The following CATSPERE variants were observed in gnomAD, a reference collection of about 807,000 sequenced individuals.
CATSPERE encodes catsper channel auxiliary subunit epsilon, also known as cation channel sperm-associated auxiliary subunit epsilon.
CATSPERE carries 93 observed loss-of-function variants against 114.1 expected under a neutral mutation model. The observed-to-expected ratio is 0.81, with a 90% CI of 0.69 to 0.97. The LOEUF is 0.97. Among genes scored for constraint, CATSPERE ranks in the 50% least tolerant of loss-of-function variants. The pLI is 0.00. For synonymous variants in CATSPERE, 341 were observed against 384.1 expected, an observed-to-expected ratio of 0.89 and a Z score of 1.31; for missense variants, 1,058 against 1,131.6, an observed-to-expected ratio of 0.93 and a Z score of 0.93.
At chr1:244,517,209 CA>C (rs1676780902) in intron 7 of CATSPERE, among the ~76,000 whole-genome samples, 2 of 151,660 alleles carry the variant, frequency 1.3e-5, no homozygotes, top group Non-Finnish European at 1.5e-5. Context: ...CTTTCTTAAT[CA>C]AAAAATATAT....
chr1:244,627,623 CA>C (rs1485823613), intron 20 of CATSPERE, among the ~76,000 whole-genome samples: 13 of 151,820 alleles, frequency 8.6e-5, no homozygotes, highest in Admixed American at 8.5e-4. Context: ...GTGACAGACA[CA>C]AAGCAAGCAC....
At position 244,575,932 on chromosome 1, in the gene CATSPERE, C is replaced by T. The variant is rs10803223; in HGVS notation, c.1950+3160C>T. On this transcript the variant is annotated intron_variant, in intron 11 of 21. Coordinates refer to ENST00000366534, the MANE Select transcript of CATSPERE (RefSeq NM_001130957.2). This position sits in a 1 kb window ranked among gnomAD's most constrained non-coding sequence, Gnocchi z 4.5. ...TAAGACACCCTAAGAAATACTTCAC[C>T]GCCTCCCATGGCTTTTCTTTCCTTA... 0.19 allele frequency among the ~76,000 whole-genome samples: 28,200 copies of T among 151,910 alleles called. 3,808 individuals carry two copies. The highest frequency in any genetic ancestry group is 0.41 in the East Asian group (2,098 of 5,138).
At chr1:244,488,345 A>G (rs570596561) in intron 5 of CATSPERE, among the ~76,000 whole-genome samples, 60 of 152,142 alleles carry the variant, frequency 3.9e-4, no homozygotes, top group African/African-American at 1.4e-3. Flanking sequence ...TAATACCACT[A>G]TGTTCTATTT....
In CATSPERE at chr1:244,630,502, T is replaced by G. The variant is rs1673800557; in HGVS notation, c.2649-4987T>G. Among the ~76,000 whole-genome samples the G allele has an allele frequency of 2.0e-5, 3 of 152,224 alleles. No individual in the cohort carries two copies. The South Asian group carries it at 6.2e-4, about 32-fold the overall frequency. ...GATTTGCTTCTTCGATGAGACTACA[T>G]TGCGTGGGGGAGATAGCAACTACTG... On this transcript the variant is annotated intron_variant, in intron 20 of 21. Coordinates refer to ENST00000366534, the MANE Select transcript of CATSPERE (RefSeq NM_001130957.2).
chr1:244,639,829 T>C (rs1472358941), intron 21 of CATSPERE, 99 bp from the exon 22 acceptor site: 4 of 1,102,202 alleles, frequency 3.6e-6, no homozygotes, highest in Non-Finnish European at 5.2e-6. Context: ...TCTCTGTCAA[T>C]GGCATAGTAG....
rs1438283604 is a variant in CATSPERE at position 244,477,915 on chromosome 1, G to A, written c.198G>A (p.Thr66=). 2.4e-5 allele frequency: 39 copies of A among 1,605,752 alleles called. No homozygotes were observed. The highest frequency in any genetic ancestry group is 2.7e-5 in the African/African-American group (2 of 74,644). Residue 66 remains threonine, a synonymous_variant, in exon 4 of 22, where the codon ACG becomes ACA. Coordinates refer to ENST00000366534, the MANE Select transcript of CATSPERE (RefSeq NM_001130957.2). The part of the protein sequence containing the change: ...TCFVLNKSSP[T]TELRCSSPGV... Reference sequence around the variant, plus strand: ...TCTTTTTAAACACTAGCTCACCCACGACAGAATTGCGTTGTTCCTCACCTG... The same window carrying A: ...TCTTTTTAAACACTAGCTCACCCACAACAGAATTGCGTTGTTCCTCACCTG...
chr1:244,592,082 C>T (rs552078301), intron 15 of CATSPERE, among the ~76,000 whole-genome samples: 1 of 152,270 alleles, frequency 6.6e-6, no homozygotes, highest in East Asian at 1.9e-4. Context: ...GGTACAGTGG[C>T]TCATGCCTGT....
At chr1:244,460,872 C>T (rs903879972), upstream of CATSPERE, among the ~76,000 whole-genome samples, 5 of 152,344 alleles carry the variant, frequency 3.3e-5, no homozygotes, top group Non-Finnish European at 4.4e-5. Flanking sequence ...CGAGCCAGAT[C>T]GCGCCACTGC....
intron 1 of CATSPERE, among the ~76,000 whole-genome samples, chr1:244,462,028 G>C (rs557631019): frequency 5.9e-5 from 9 of 152,228 alleles, no homozygotes; most frequent in African/African-American, 2.2e-4. Flanking sequence ...TATTGCCCAG[G>C]CTGGTCTCGA....
intron 2 of CATSPERE, among the ~76,000 whole-genome samples, chr1:244,475,055 TTAAA>T (rs1472394113): frequency 2.6e-5 from 4 of 152,096 alleles, no homozygotes; most frequent in Non-Finnish European, 5.9e-5. Flanking sequence ...ATTAGGAAAT[TTAAA>T]TAAATTTTTA....
chr1:244,545,333 A>G (rs925643470), intron 8 of CATSPERE, among the ~76,000 whole-genome samples: 5 of 152,184 alleles, frequency 3.3e-5, no homozygotes, highest in African/African-American at 1.2e-4. Flanking sequence ...TGGAGGCAAC[A>G]TATTCCTCAT....
chr1:244,475,973 G>T (rs1415741350), intron 2 of CATSPERE, among the ~76,000 whole-genome samples: 1 of 151,812 alleles, frequency 6.6e-6, no homozygotes, highest in African/African-American at 2.4e-5. Flanking sequence ...AATATCTTAG[G>T]ATTTTTTTCT....
rs1444310558 is a variant in CATSPERE, at chr1:244,573,633, T to C, written c.1950+861T>C. Among the ~76,000 whole-genome samples, 1 of 152,086 alleles carries C rather than the reference T, an allele frequency of 6.6e-6. No individual in the cohort carries two copies. Among genetic ancestry groups the C allele is most frequent in the African/African-American group, 2.4e-5 (1 of 41,394 alleles). On this transcript the variant is annotated intron_variant, in intron 11 of 21. Coordinates refer to ENST00000366534, the MANE Select transcript of CATSPERE (RefSeq NM_001130957.2). This position sits in a 1 kb window ranked among gnomAD's most constrained non-coding sequence, Gnocchi z 4.0. Reference sequence around the variant, plus strand: ...CCTCTGCTGGATAACCCAGGTCTAGTGTTATCCTCCAGACTAGACCTGGCT... The same window carrying C: ...CCTCTGCTGGATAACCCAGGTCTAGCGTTATCCTCCAGACTAGACCTGGCT...
chr1:244,494,972 A>G (rs1254356713), intron 6 of CATSPERE, among the ~76,000 whole-genome samples: 1 of 152,208 alleles, frequency 6.6e-6, no homozygotes, highest in Non-Finnish European at 1.5e-5. Flanking sequence ...ATTTTAATAT[A>G]CATAGAAAAT....
chr1:244,502,675 G>C (rs1276340051), intron 7 of CATSPERE, among the ~76,000 whole-genome samples: 1 of 152,132 alleles, frequency 6.6e-6, no homozygotes, highest in East Asian at 1.9e-4. Flanking sequence ...CCAGAAGTGT[G>C]CTTGTAGTTC....
rs976522325 is a variant in CATSPERE, at chr1:244,633,927, C to T, written c.2649-1562C>T. Among the ~76,000 whole-genome samples the T allele has an allele frequency of 7.4e-5, 11 of 148,466 alleles. No individual in the cohort carries two copies. The highest frequency in any genetic ancestry group is 1.3e-4 in the Non-Finnish European group (9 of 67,542). ...TTGCCCAGGCTGGAGTGCAGTGGTGCGATCTCCGCTCACTGCAACCTACGC... is the reference window on the plus strand; with the variant it reads ...TTGCCCAGGCTGGAGTGCAGTGGTGTGATCTCCGCTCACTGCAACCTACGC... On this transcript the variant is annotated intron_variant, in intron 20 of 21. Coordinates refer to ENST00000366534, the MANE Select transcript of CATSPERE (RefSeq NM_001130957.2). The surrounding 1 kb of genome is among the most constrained non-coding windows in gnomAD (Gnocchi z 4.1).
chr1:244,566,826 G>C (rs1435483850), intron 10 of CATSPERE, among the ~76,000 whole-genome samples: 1 of 151,336 alleles, frequency 6.6e-6, no homozygotes, highest in African/African-American at 2.4e-5. Flanking sequence ...TCTTTTAATT[G>C]GGGCATTTAG....
intron 20 of CATSPERE, among the ~76,000 whole-genome samples, chr1:244,626,476 A>C (rs1673203786): frequency 8.1e-6 from 1 of 124,188 alleles, no homozygotes. Flanking sequence ...CAAGAGCAAA[A>C]TTCCATCTCA....
At chr1:244,476,661 C>G (rs1200297001) in intron 2 of CATSPERE, among the ~76,000 whole-genome samples, 1 of 152,068 alleles carries the variant, frequency 6.6e-6, no homozygotes, top group Non-Finnish European at 1.5e-5. Context: ...TTTTGTGTCA[C>G]AAATATTAGA....
Sources: allele counts gnomAD v4.1 joint callset (sites outside exome capture counted in the v4.1 genomes callset), GRCh38; gene constraint gnomAD v4.1.1; non-coding constraint Gnocchi (gnomAD v3.1); transcripts MANE v1.5; gene names NCBI Gene and HGNC (gene_info 2026-07-23, HGNC 2026-07-21).